The following GFPT2 variants were observed in gnomAD, a reference collection of about 807,000 sequenced individuals.
GFPT2 encodes glutamine--fructose-6-phosphate transaminase 2.
GFPT2 carries 62 observed loss-of-function variants against 85.6 expected under a neutral mutation model. The observed-to-expected ratio is 0.72, with a 90% CI of 0.59 to 0.90. The LOEUF (loss-of-function observed/expected upper bound fraction) is 0.90. Among genes scored for constraint, GFPT2 ranks in the 40% least tolerant of loss-of-function variants. The probability of loss-of-function intolerance (pLI) is 0.00; values close to 1 mark genes in which losing one functional copy is unlikely to be tolerated. For synonymous variants in GFPT2, 368 were observed against 344.5 expected (o/e 1.07, Z -0.75); for missense variants, 788 against 893.4 (o/e 0.88, Z 1.50).
intron 7 of GFPT2, among the ~76,000 whole-genome samples, chr5:180,326,495 C>T (rs1319067262): frequency 6.6e-6 from 1 of 152,034 alleles, no homozygotes; most frequent in African/African-American, 2.4e-5. Context: ...AATTTTTCTT[C>T]AACAATAACA....
At chr5:180,326,590 A>G (rs1323926405) in intron 7 of GFPT2, among the ~76,000 whole-genome samples, 1 of 152,238 alleles carries the variant, frequency 6.6e-6, no homozygotes, top group East Asian at 1.9e-4. Flanking sequence ...GCTTTGAGGA[A>G]GGTGCTATGA....
intron 6 of GFPT2, among the ~76,000 whole-genome samples, chr5:180,329,044 T>C (rs2127653450): frequency 6.6e-6 from 1 of 152,332 alleles, no homozygotes; most frequent in East Asian, 1.9e-4. Flanking sequence ...GGCCAGATGG[T>C]TTTTTGACTT....
intron 9 of GFPT2, 126 bp from the exon 10 acceptor site, chr5:180,319,082 C>T: frequency 1.4e-6 from 1 of 737,768 alleles, no homozygotes; most frequent in Admixed American, 2.5e-5. Context: ...AGAGACCACA[C>T]TAAAAACATT....
rs753452592 is a variant in GFPT2, at chr5:180,324,818, G to A, written c.674C>T (p.Thr225Met). ...STEQIPILYR[T>M]CTLENVKNIC... The stretch of plus-strand genomic sequence containing the variant: ...CCGGTACTTCTTGAGAAACTTACAC[G>A]TCCTGTATAAGATAGGGATCTGTTC... The change falls in exon 8 of 19, where the codon ACG (threonine) becomes ATG (methionine). Residue 225 changes from threonine (T) to methionine (M), a missense_variant and splice_region_variant. Thr to Met is a moderately conservative substitution (Grantham distance 81). Coordinates refer to ENST00000253778, the MANE Select transcript of GFPT2 (RefSeq NM_005110.4). 2.4e-5 allele frequency: 38 copies of A among 1,583,606 alleles called. No individual in the cohort carries two copies. Among genetic ancestry groups the A allele is most frequent in the Non-Finnish European group, 3.0e-5 (35 of 1,152,354 alleles).
In GFPT2 at chr5:180,310,864, AT is replaced by A. The variant is rs1366441356; in HGVS notation, c.1546+1565del. On this transcript the variant is annotated intron_variant, in intron 15 of 18. Transcript: ENST00000253778. ...AAAAAAAAAAAAAAAAAAAAAAAAAATTTTTAGTATAAAGAATGTATTACTA... is the reference window on the plus strand; with the variant it reads ...AAAAAAAAAAAAAAAAAAAAAAAAAATTTTAGTATAAAGAATGTATTACTA... 3.3e-3 allele frequency among the ~76,000 whole-genome samples: 429 copies of A among 129,010 alleles called. 2 individuals carry two copies. The highest frequency in any genetic ancestry group is 0.011 in the African/African-American group (364 of 34,050). 84.6% of individuals were successfully genotyped at this position (129,010 alleles called of 152,430 possible). A position where few individuals can be genotyped will look rare whatever the true frequency, so the allele number is the denominator to read the frequency against.
intron 4 of GFPT2, among the ~76,000 whole-genome samples, chr5:180,334,898 A>G (rs1195771361): frequency 6.6e-6 from 1 of 152,166 alleles, no homozygotes. Context: ...CTGACCACAG[A>G]CCCCTGAGAA....
At chr5:180,308,239 G>A (rs1411043390) in intron 15 of GFPT2, among the ~76,000 whole-genome samples, 1 of 150,422 alleles carries the variant, frequency 6.6e-6, no homozygotes, top group Non-Finnish European at 1.5e-5. Flanking sequence ...CTGGGCAACA[G>A]AGCGAGACTC....
chr5:180,315,726 A>T (rs1763994229), intron 13 of GFPT2, among the ~76,000 whole-genome samples: 1 of 152,120 alleles, frequency 6.6e-6, no homozygotes, highest in Admixed American at 6.5e-5. Flanking sequence ...GCTCAAGGAG[A>T]CTCCAAGCCT....
chr5:180,335,126 T>G (rs918207100), intron 4 of GFPT2, among the ~76,000 whole-genome samples: 1 of 152,210 alleles, frequency 6.6e-6, no homozygotes, highest in African/African-American at 2.4e-5. Context: ...TCTGTGGTGC[T>G]CCAACGTGCT....
chr5:180,316,930 G>T, intron 11 of GFPT2, 33 bp downstream of exon 11: 1 of 1,549,650 alleles, frequency 6.5e-7, no homozygotes, highest in Non-Finnish European at 8.9e-7. Flanking sequence ...GACTAGGCTC[G>T]GGCGGAGGCT....
At chr5:180,343,229 TC>T (rs1764552822) in intron 1 of GFPT2, among the ~76,000 whole-genome samples, 1 of 151,938 alleles carries the variant, frequency 6.6e-6, no homozygotes, top group Non-Finnish European at 1.5e-5. Flanking sequence ...GCTCTGCAAC[TC>T]CCCCCTGCAG....
At chr5:180,306,042 T>C (rs1581366301) in intron 16 of GFPT2, among the ~76,000 whole-genome samples, 1 of 150,158 alleles carries the variant, frequency 6.7e-6, no homozygotes. Context: ...TGGAGTGCAG[T>C]GGCATGATCT....
chr5:180,309,010 C>T (rs770507723), intron 15 of GFPT2, among the ~76,000 whole-genome samples: 1 of 151,938 alleles, frequency 6.6e-6, no homozygotes, highest in Non-Finnish European at 1.5e-5. Context: ...GCTGGGATTA[C>T]AGGTGCCTGC....
At chr5:180,307,995 G>C (rs1042217468) in intron 15 of GFPT2, among the ~76,000 whole-genome samples, 1 of 152,074 alleles carries the variant, frequency 6.6e-6, no homozygotes, top group Non-Finnish European at 1.5e-5. Flanking sequence ...GGTGGCTCAC[G>C]CCTGTAATCC....
intron 10 of GFPT2, among the ~76,000 whole-genome samples, chr5:180,317,592 T>C (rs995355208): frequency 6.8e-6 from 1 of 147,056 alleles, no homozygotes; most frequent in East Asian, 1.9e-4. Context: ...ACCCCGTCTC[T>C]ACTAAAAATA....
Position 180,338,487 on chromosome 5 carries a change from AC to A in GFPT2, c.115+5del. ...CCAGCCACGAGGCGGGCGGCCGCACACCCACCTGCCGAGTCGTAGCCTCTGT... is the reference window on the plus strand; with the variant it reads ...CCAGCCACGAGGCGGGCGGCCGCACACCACCTGCCGAGTCGTAGCCTCTGT... On this transcript the variant is annotated splice_donor_5th_base_variant and intron_variant, in intron 2 of 18. Transcript: ENST00000253778. 2 of 1,545,292 alleles carry A rather than the reference AC, an allele frequency of 1.3e-6. No individual in the cohort carries two copies. The highest frequency in any genetic ancestry group is 1.8e-6 in the Non-Finnish European group (2 of 1,119,762).
At chr5:180,342,164 C>T (rs1429924336) in intron 1 of GFPT2, among the ~76,000 whole-genome samples, 1 of 152,122 alleles carries the variant, frequency 6.6e-6, no homozygotes, top group Non-Finnish European at 1.5e-5. Context: ...TGAGGCCTCC[C>T]CAGCCATGTG....
At chr5:180,350,078 G>A (rs901935908) in intron 1 of GFPT2, among the ~76,000 whole-genome samples, 16 of 151,986 alleles carry the variant, frequency 1.1e-4, no homozygotes, top group Admixed American at 1.3e-4. Context: ...GCCCGTGCTC[G>A]TGTCTGGGTC....
intron 7 of GFPT2, among the ~76,000 whole-genome samples, chr5:180,326,122 C>T: frequency 6.6e-6 from 1 of 152,162 alleles, no homozygotes; most frequent in Non-Finnish European, 1.5e-5. Flanking sequence ...TAAATTATAG[C>T]ATGCAAATAA....
Sources: gnomAD v4.1 joint callset for allele counts (sites outside exome capture counted in the v4.1 genomes callset) on GRCh38, gnomAD v4.1.1 for gene constraint, MANE v1.5 for transcripts, NCBI Gene and HGNC (gene_info 2026-07-23, HGNC 2026-07-21) for gene names.